PDE4D: variants seen among roughly 807,000 people sequenced by gnomAD.
PDE4D encodes phosphodiesterase 4D.
In PDE4D, 24 loss-of-function variants were observed where a neutral mutation model predicts 87.4. That is an observed-to-expected ratio of 0.27 (90% confidence interval 0.20 to 0.39). PDE4D has a LOEUF of 0.39. PDE4D is among the 10% of genes least tolerant of loss of function. The pLI is 1.00. For missense variants in PDE4D, 714 were observed against 1,041.0 expected, an observed-to-expected ratio of 0.69 and a Z score of 4.32; for synonymous variants, 384 against 383.2, an observed-to-expected ratio of 1.00 and a Z score of -0.02.
chr5:59,958,724 C>T (rs1409784896), intron 3 of PDE4D, among the ~76,000 whole-genome samples: 1 of 151,984 alleles, frequency 6.6e-6, no homozygotes, highest in Non-Finnish European at 1.5e-5. Context: ...TGAAAAACCC[C>T]AAGCCAACAT....
chr5:59,523,341 T>A (rs538732029), intron 1 of PDE4D, among the ~76,000 whole-genome samples: 1 of 152,382 alleles, frequency 6.6e-6, no homozygotes, highest in East Asian at 1.9e-4. Context: ...CTTTGAACCA[T>A]GAAAACATTT....
intron 2 of PDE4D, among the ~76,000 whole-genome samples, chr5:60,071,213 T>C (rs1772681549): frequency 6.6e-6 from 1 of 152,040 alleles, no homozygotes; most frequent in South Asian, 2.1e-4. Flanking sequence ...TCTTTGTTAA[T>C]TCCCTCTTTC....
chr5:59,012,340 TA>T (rs1216373776), intron 6 of PDE4D, among the ~76,000 whole-genome samples: 1 of 152,086 alleles, frequency 6.6e-6, no homozygotes, highest in African/African-American at 2.4e-5. Context: ...ATGTTCCAAT[TA>T]AAAAACACAG....
At chr5:59,747,307 T>C (rs879810634) in intron 1 of PDE4D, among the ~76,000 whole-genome samples, 4 of 152,206 alleles carry the variant, frequency 2.6e-5, no homozygotes, top group Non-Finnish European at 5.9e-5. Flanking sequence ...CCCTTTTCCT[T>C]AGTGAGCTTA....
At chr5:59,958,253 T>C (rs1759075504) in intron 3 of PDE4D, among the ~76,000 whole-genome samples, 1 of 152,192 alleles carries the variant, frequency 6.6e-6, no homozygotes, top group Non-Finnish European at 1.5e-5. Context: ...ATTTTACATA[T>C]AGGATTTTAT....
chr5:59,715,713 ACCT>A (rs1387209576), intron 1 of PDE4D, among the ~76,000 whole-genome samples: 6 of 152,126 alleles, frequency 3.9e-5, no homozygotes, highest in African/African-American at 1.4e-4. Flanking sequence ...AGGAAGGATG[ACCT>A]CCTATGACCA....
upstream of PDE4D, among the ~76,000 whole-genome samples, chr5:59,894,633 T>C (rs1342220407): frequency 6.6e-6 from 1 of 152,214 alleles, no homozygotes; most frequent in Admixed American, 6.5e-5. Flanking sequence ...ACCTTTTCAA[T>C]TACAAACCTC....
chr5:60,023,953 AT>A (rs1306893512), intron 2 of PDE4D, among the ~76,000 whole-genome samples: 1 of 152,178 alleles, frequency 6.6e-6, no homozygotes, highest in African/African-American at 2.4e-5. Flanking sequence ...GGGTCAGAGA[AT>A]TTTGCTCTTG....
At chr5:59,841,891 C>T (rs576858546) in intron 1 of PDE4D, among the ~76,000 whole-genome samples, 11 of 151,998 alleles carry the variant, frequency 7.2e-5, no homozygotes, top group African/African-American at 2.2e-4. Flanking sequence ...ACTGAAACTC[C>T]GTGTGTGTGC....
At chr5:59,449,466 C>T (rs1052363591) in intron 1 of PDE4D, among the ~76,000 whole-genome samples, 4 of 152,104 alleles carry the variant, frequency 2.6e-5, no homozygotes, top group South Asian at 4.1e-4. Context: ...AACCTTGAAC[C>T]CATTGTGCAA....
intron 1 of PDE4D, among the ~76,000 whole-genome samples, chr5:59,260,587 T>C (rs1371422374): frequency 2.0e-5 from 3 of 151,886 alleles, no homozygotes; most frequent in East Asian, 3.9e-4. Context: ...ATTGGAAATT[T>C]AGACAATTGT....
chr5:59,746,836 T>C (rs1580840377), intron 1 of PDE4D, among the ~76,000 whole-genome samples: 2 of 152,204 alleles, frequency 1.3e-5, no homozygotes, highest in East Asian at 3.9e-4. Context: ...CCTCTGCCCC[T>C]AGTGAAGTAG....
chr5:59,825,824 C>T (rs571714792), intron 1 of PDE4D, among the ~76,000 whole-genome samples: 1 of 152,266 alleles, frequency 6.6e-6, no homozygotes, highest in African/African-American at 2.4e-5. Context: ...CATCTTGGTC[C>T]TGAGAATCAG....
intron 1 of PDE4D, among the ~76,000 whole-genome samples, chr5:59,541,835 T>C (rs1361706234): frequency 1.3e-5 from 2 of 152,118 alleles, no homozygotes; most frequent in African/African-American, 2.4e-5. Context: ...GTGGGACCCA[T>C]TATAAGGATT....
At chr5:59,754,555 G>A (rs995492292) in intron 1 of PDE4D, among the ~76,000 whole-genome samples, 10 of 152,054 alleles carry the variant, frequency 6.6e-5, no homozygotes, top group African/African-American at 1.4e-4. Flanking sequence ...TTTGCGTAAC[G>A]GGCCCTGTAT....
chr5:59,674,920 G>A (rs568231845), intron 1 of PDE4D, among the ~76,000 whole-genome samples: 15 of 152,210 alleles, frequency 9.9e-5, no homozygotes, highest in Non-Finnish European at 1.6e-4. Flanking sequence ...AAATGTTGCA[G>A]AGGAAACTTC....
At chr5:59,972,480 T>C (rs1362833660) in intron 3 of PDE4D, among the ~76,000 whole-genome samples, 1 of 152,218 alleles carries the variant, frequency 6.6e-6, no homozygotes. Context: ...AATGAGTTGA[T>C]CAAACCTAGG....
At chr5:60,417,895 A>AG (rs1190599735) in intron 1 of PDE4D, among the ~76,000 whole-genome samples, 2 of 146,156 alleles carry the variant, frequency 1.4e-5, no homozygotes, top group East Asian at 4.6e-4. Context: ...TGCAAGAGAG[A>AG]GGGAAAAAAA....
At chr5:59,029,785 A>G (rs899448913) in intron 6 of PDE4D, among the ~76,000 whole-genome samples, 1 of 152,220 alleles carries the variant, frequency 6.6e-6, no homozygotes, top group Non-Finnish European at 1.5e-5. Context: ...CTCATTTCAA[A>G]ATATATTATA....
Sources: allele counts gnomAD v4.1 joint callset (sites outside exome capture counted in the v4.1 genomes callset), GRCh38; gene constraint gnomAD v4.1.1; transcripts MANE v1.5; gene names NCBI Gene and HGNC (gene_info 2026-07-23, HGNC 2026-07-21).